The following CREG2 variants were observed in gnomAD, a reference collection of about 807,000 sequenced individuals.
CREG2 encodes cellular repressor of E1A stimulated genes 2, also known as protein CREG2.
Under a neutral mutation model 26.2 loss-of-function variants are expected in CREG2, and 24 were observed. The observed-to-expected ratio is 0.92, with a 90% CI of 0.66 to 1.29. The LOEUF (loss-of-function observed/expected upper bound fraction) is 1.29, where lower values mean the gene tolerates loss of function less well. Ranked by LOEUF, CREG2 falls within the 50% of genes most tolerant of loss-of-function variation. The pLI is 0.00. For missense variants in CREG2, 366 were observed against 398.6 expected (o/e 0.92, Z 0.70); for synonymous variants, 174 against 169.2 (o/e 1.03, Z -0.22).
chr2:101,383,268 C>T (rs907240281), intron 2 of CREG2, among the ~76,000 whole-genome samples: 1 of 152,192 alleles, frequency 6.6e-6, no homozygotes, highest in Non-Finnish European at 1.5e-5. Context: ...CACCTATTTC[C>T]AGCACTTGCA....
At chr2:101,385,480 CA>C (rs1558823360) in intron 1 of CREG2, among the ~76,000 whole-genome samples, 1 of 152,158 alleles carries the variant, frequency 6.6e-6, no homozygotes, top group African/African-American at 2.4e-5. Flanking sequence ...GACGCCTGGC[CA>C]ACAAAAATAT....
In CREG2 at chr2:101,383,527, G is replaced by A. The variant is rs377636315; in HGVS notation, c.611+6C>T. ...CCCGTGTGAGTGAGGGCAAACCGTC[G>A]TCTACCTGCAGAACTCCCCTTCTGA... On this transcript the variant is annotated splice_donor_region_variant and intron_variant, in intron 2 of 3. Transcript: ENST00000324768. 51 of 1,613,408 alleles carry A rather than the reference G, an allele frequency of 3.2e-5. No homozygotes were observed. In the African/African-American group the frequency reaches 5.3e-4, roughly 17 times the overall value.
intron 2 of CREG2, among the ~76,000 whole-genome samples, chr2:101,380,403 T>C (rs1050019072): frequency 2.0e-5 from 3 of 152,196 alleles, no homozygotes; most frequent in Non-Finnish European, 4.4e-5. Context: ...GCAGCTGAAA[T>C]GCCCCCTCTC....
chr2:101,356,505 A>G (rs892730296), intron 2 of CREG2, among the ~76,000 whole-genome samples: 10 of 152,250 alleles, frequency 6.6e-5, no homozygotes, highest in African/African-American at 2.4e-4. Flanking sequence ...TATTGTGCAC[A>G]TAAAAATTTA....
rs1278597861 is a variant in CREG2, at chr2:101,348,502, C to A, written c.*2421G>T. ...ATTTAAAAATTTTCACTACATAGGT[C>A]CTGGGTAAGTTTTGTTTATACGGAA... On this transcript the variant is annotated 3_prime_UTR_variant, in exon 4 of 4. Transcript: ENST00000324768. The A allele has an allele frequency of 1.3e-5, 2 of 152,036 alleles. No homozygotes were observed. Among genetic ancestry groups the A allele is most frequent in the Admixed American group, 1.3e-4 (2 of 15,266 alleles). 9.4% of individuals were successfully genotyped at this position (152,036 alleles called of 1,614,324 possible).
intron 2 of CREG2, among the ~76,000 whole-genome samples, chr2:101,378,780 G>C (rs943745036): frequency 6.6e-6 from 1 of 152,070 alleles, no homozygotes; most frequent in African/African-American, 2.4e-5. Flanking sequence ...AGGCTGAGGC[G>C]GGGGGATCAC....
rs761704676 is a variant in CREG2 at position 101,383,517 on chromosome 2, G to A, written c.611+16C>T. 6.2e-7 allele frequency: 1 copy of A among 1,612,814 alleles called. No individual in the cohort carries two copies. Among genetic ancestry groups the A allele is most frequent in the Admixed American group, 1.7e-5 (1 of 59,972 alleles). ...CTTCCCAGGACCCGTGTGAGTGAGG[G>A]CAAACCGTCGTCTACCTGCAGAACT... On this transcript the variant is annotated intron_variant, in intron 2 of 3. Transcript: ENST00000324768.
chr2:101,357,075 G>A (rs1049766944), intron 2 of CREG2, among the ~76,000 whole-genome samples: 2 of 152,204 alleles, frequency 1.3e-5, no homozygotes, highest in Non-Finnish European at 2.9e-5. Flanking sequence ...TTTTAGTAGA[G>A]ACGGGGTTTC....
At chr2:101,375,351 C>T (rs1179291358) in intron 2 of CREG2, among the ~76,000 whole-genome samples, 9 of 152,192 alleles carry the variant, frequency 5.9e-5, no homozygotes, top group Middle Eastern at 3.4e-3. Flanking sequence ...AAAACCACAC[C>T]GAGGCCTGTC....
In CREG2 at chr2:101,387,277, C is replaced by T; in HGVS notation, c.181G>A (p.Ala61Thr). The change falls in exon 1 of 4, where the codon GCG becomes ACG. Residue 61 changes from alanine to threonine, a missense_variant. Transcript: ENST00000324768. The surrounding 1 kb of genome is among the most constrained non-coding windows in gnomAD (Gnocchi z 4.7). The stretch of plus-strand genomic sequence containing the variant: ...ATGCTGCCCGAATCCTCTAGCAGCG[C>T]GGGCATAGCCTCCTCAGTGGAGGCG... ...DSASTEEAMP[A>T]LLEDSGSIWQ... is the part of the protein sequence containing the mutation. 1.4e-6 allele frequency: 2 copies of T among 1,478,430 alleles called. No homozygotes were observed. The highest frequency in any genetic ancestry group is 1.8e-6 in the Non-Finnish European group (2 of 1,106,538). 91.6% of individuals were successfully genotyped at this position (1,478,430 alleles called of 1,614,324 possible).
intron 3 of CREG2, among the ~76,000 whole-genome samples, chr2:101,354,987 C>G (rs919812001): frequency 2.6e-5 from 4 of 151,976 alleles, no homozygotes; most frequent in African/African-American, 9.7e-5. Flanking sequence ...GCTATTTTCA[C>G]GGCAAGGCAG....
Position 101,387,183 on chromosome 2 carries a change from G to A in CREG2, c.275C>T (p.Ala92Val), listed in dbSNP as rs1400983483. The A allele has an allele frequency of 7.5e-7, 1 of 1,335,202 alleles. No individual in the cohort carries two copies. Among genetic ancestry groups the A allele is most frequent in the Non-Finnish European group, 9.7e-7 (1 of 1,033,618 alleles). 82.7% of individuals were successfully genotyped at this position (1,335,202 alleles called of 1,614,324 possible). ...DAHLRPRAGA[A>V]RARPPPAPPG... is the part of the protein sequence containing the mutation. ...TGGCGCGGGGGGCGGCCTGGCCCGG[G>A]CGGCGCCCGCCCGGGGCCGCAGGTG... is the stretch of plus-strand genomic sequence containing the variant. The change falls in exon 1 of 4, where the codon GCC (alanine) becomes GTC (valine). Residue 92 changes from alanine (A) to valine (V), a missense_variant. Physicochemically the swap from Ala to Val is moderately conservative, Grantham distance 64. Around this residue, in one of 3 missense-constraint regions of CREG2, gnomAD observed 177 missense variants for 183.3 expected, o/e 0.97. Transcript: ENST00000324768. The surrounding 1 kb of genome is among the most constrained non-coding windows in gnomAD (Gnocchi z 4.7).
At chr2:101,354,294 G>A (rs766655435) in intron 3 of CREG2, among the ~76,000 whole-genome samples, 4 of 151,980 alleles carry the variant, frequency 2.6e-5, no homozygotes. Flanking sequence ...ACGTTTGTGC[G>A]CACACACACA....
chr2:101,384,328 G>A (rs62156072), intron 1 of CREG2, among the ~76,000 whole-genome samples: 15,127 of 152,236 alleles, frequency 0.099, 904 homozygotes, highest in African/African-American at 0.17. Context: ...CATAAAGGAA[G>A]TCATAGAAAC....
At chr2:101,363,405 A>G (rs189440521) in intron 2 of CREG2, among the ~76,000 whole-genome samples, 18 of 152,336 alleles carry the variant, frequency 1.2e-4, no homozygotes, top group Admixed American at 9.8e-4. Flanking sequence ...TTCTCTTGCT[A>G]CAACAATTTC....
In CREG2 at chr2:101,369,253, G is replaced by A. The variant is rs573847174; in HGVS notation, c.612-13887C>T. On this transcript the variant is annotated intron_variant, in intron 2 of 3. Coordinates refer to ENST00000324768, the MANE Select transcript of CREG2 (RefSeq NM_153836.4). ...TGATGCCAAGGGCTTGGGCCAGGGG[G>A]TGGAGAGAAGCAGTGAGTCGGGAGA... Among the ~76,000 whole-genome samples, 11 of 152,314 alleles carry A rather than the reference G, an allele frequency of 7.2e-5. No individual in the cohort carries two copies. The East Asian group carries it at 1.9e-3, about 27-fold the overall frequency.
At chr2:101,367,721 C>T (rs1684639351) in intron 2 of CREG2, among the ~76,000 whole-genome samples, 1 of 152,158 alleles carries the variant, frequency 6.6e-6, no homozygotes, top group African/African-American at 2.4e-5. Context: ...GAGAGATTAT[C>T]CTGGATTATC....
At chr2:101,351,941 A>G (rs1684388248) in intron 3 of CREG2, among the ~76,000 whole-genome samples, 1 of 152,034 alleles carries the variant, frequency 6.6e-6, no homozygotes, top group Non-Finnish European at 1.5e-5. Flanking sequence ...GCTGGAGTGC[A>G]GTGGCGGGAT....
intron 3 of CREG2, among the ~76,000 whole-genome samples, chr2:101,352,137 C>T (rs1346697132): frequency 2.0e-5 from 3 of 152,090 alleles, no homozygotes; most frequent in Non-Finnish European, 4.4e-5. Flanking sequence ...CTGCCTCAGC[C>T]TTCCAAAGTG....
Sources: gnomAD v4.1 joint callset for allele counts (sites outside exome capture counted in the v4.1 genomes callset) on GRCh38, gnomAD v4.1.1 for gene constraint, gnomAD v4.1.1 regional missense constraint, Gnocchi (gnomAD v3.1) non-coding constraint, MANE v1.5 for transcripts, NCBI Gene and HGNC (gene_info 2026-07-23, HGNC 2026-07-21) for gene names.